The following VAT1L variants were observed in gnomAD, a reference collection of about 807,000 sequenced individuals.
The protein encoded by VAT1L is vesicle amine transport 1 like, also known as putative NADPH-dependent quinone oxidoreductase VAT1L.
VAT1L carries 34 observed loss-of-function variants against 44.1 expected under a neutral mutation model. The ratio of observed to expected loss-of-function variants is 0.77; its 90% CI spans 0.59 to 1.03. The LOEUF (loss-of-function observed/expected upper bound fraction) is 1.03, where lower values mean the gene tolerates loss of function less well. Ranked by LOEUF, VAT1L falls within the 50% of genes least tolerant of loss-of-function variation. The pLI is 0.00. For synonymous variants in VAT1L, 253 were observed against 202.2 expected, an observed-to-expected ratio of 1.25 and a Z score of -2.13; for missense variants, 615 against 538.8, an observed-to-expected ratio of 1.14 and a Z score of -1.40.
intron 3 of VAT1L, among the ~76,000 whole-genome samples, chr16:77,841,895 C>CT (rs200350907): frequency 0.13 from 19,929 of 148,380 alleles, 1,734 homozygotes; most frequent in Non-Finnish European, 0.2. Context: ...TTTTCTTTTT[C>CT]TTTTTTTTTT....
intron 3 of VAT1L, among the ~76,000 whole-genome samples, chr16:77,827,488 T>C (rs1012972091): frequency 4.6e-5 from 7 of 152,252 alleles, no homozygotes; most frequent in Non-Finnish European, 1.0e-4. Flanking sequence ...TATCGTGCTC[T>C]ATTCTGGGCT....
At chr16:77,789,148 C>A (rs1444569524) in intron 1 of VAT1L, among the ~76,000 whole-genome samples, 1 of 152,070 alleles carries the variant, frequency 6.6e-6, no homozygotes, top group African/African-American at 2.4e-5. Context: ...CTCCTGGGCG[C>A]GGGGAGAATG....
At chr16:77,865,930 A>G (rs2016969420) in intron 4 of VAT1L, among the ~76,000 whole-genome samples, 1 of 152,096 alleles carries the variant, frequency 6.6e-6, no homozygotes, top group Non-Finnish European at 1.5e-5. Context: ...ACTGCCCTAG[A>G]TCTACTCTCT....
Position 77,823,825 on chromosome 16 carries a change from C to T in VAT1L, c.364-1421C>T, listed in dbSNP as rs145318916. Among the ~76,000 whole-genome samples the T allele has an allele frequency of 4.4e-4, 67 of 152,156 alleles. No individual in the cohort carries two copies. The East Asian group carries it at 0.012, about 27-fold the overall frequency. ...CTGAGGTCAGGAGTTCACAACCAGCCTAACATGGTGAAACCCCGTCTCTAA... is the reference window on the plus strand; with the variant it reads ...CTGAGGTCAGGAGTTCACAACCAGCTTAACATGGTGAAACCCCGTCTCTAA... On this transcript the variant is annotated intron_variant, in intron 2 of 8. Coordinates refer to ENST00000302536, the MANE Select transcript of VAT1L (RefSeq NM_020927.3).
chr16:77,930,040 C>A lies in VAT1L; in HGVS notation c.1078-41810C>A, dbSNP rs111833763. On this transcript the variant is annotated intron_variant, in intron 7 of 8. Coordinates refer to ENST00000302536, the MANE Select transcript of VAT1L (RefSeq NM_020927.3). ...TCTTATTTCCAAATGAACCTCCAAC[C>A]AATACCCATAGCCCATACTCCTTAT... Among the ~76,000 whole-genome samples, 246 of 152,246 alleles carry A rather than the reference C, an allele frequency of 1.6e-3. 2 individuals are homozygous for A. The highest frequency in any genetic ancestry group is 5.7e-3 in the African/African-American group (238 of 41,566).
chr16:77,868,401 T>C (rs923401547), intron 4 of VAT1L, among the ~76,000 whole-genome samples: 13 of 152,188 alleles, frequency 8.5e-5, no homozygotes, highest in Non-Finnish European at 1.3e-4. Context: ...ACAATGGGGT[T>C]GGCAGCTGAT....
intron 7 of VAT1L, among the ~76,000 whole-genome samples, chr16:77,938,723 A>G (rs1287316169): frequency 6.6e-6 from 1 of 152,170 alleles, no homozygotes; most frequent in Non-Finnish European, 1.5e-5. Flanking sequence ...CTGCGGAACC[A>G]TGAGCCAATT....
chr16:77,950,146 C>T (rs1355269233), intron 7 of VAT1L, among the ~76,000 whole-genome samples: 13 of 152,146 alleles, frequency 8.5e-5, no homozygotes, highest in Admixed American at 7.2e-4. Flanking sequence ...CAGTGGCTCA[C>T]GCCTGTAATC....
chr16:77,941,679 G>A (rs537819857), intron 7 of VAT1L, among the ~76,000 whole-genome samples: 31 of 152,168 alleles, frequency 2.0e-4, no homozygotes, highest in South Asian at 4.2e-4. Context: ...TCCAGCTCCC[G>A]GGTTTAAGCT....
At chr16:77,896,017 C>G (rs914663726) in intron 7 of VAT1L, among the ~76,000 whole-genome samples, 1 of 152,196 alleles carries the variant, frequency 6.6e-6, no homozygotes, top group Non-Finnish European at 1.5e-5. Context: ...CATTCAAGGA[C>G]AGAAGAAAGG....
At chr16:77,882,717 G>C (rs775027249) in intron 6 of VAT1L, among the ~76,000 whole-genome samples, 25 of 152,208 alleles carry the variant, frequency 1.6e-4, no homozygotes, top group Non-Finnish European at 3.5e-4. Flanking sequence ...ATTCACTGAG[G>C]CATTGCAGAT....
intron 2 of VAT1L, among the ~76,000 whole-genome samples, chr16:77,820,379 A>G (rs527812077): frequency 1.1e-4 from 17 of 152,324 alleles, no homozygotes; most frequent in Admixed American, 7.8e-4. Flanking sequence ...GAATCCCCCT[A>G]AAATCAGCAA....
intron 3 of VAT1L, among the ~76,000 whole-genome samples, chr16:77,842,641 T>C (rs1009017055): frequency 1.3e-5 from 2 of 152,014 alleles, no homozygotes; most frequent in African/African-American, 2.4e-5. Context: ...CAGGGGTAGG[T>C]AGTGATAAGT....
intron 7 of VAT1L, among the ~76,000 whole-genome samples, chr16:77,908,463 TCAAAAAAA>T (rs2017463361): frequency 2.0e-4 from 2 of 10,132 alleles, no homozygotes; most frequent in Admixed American, 1.3e-3. Context: ...AGGTTCTGTC[TCAAAAAAA>T]AAAAAAAAAA....
At chr16:77,934,732 G>C (rs1455145010) in intron 7 of VAT1L, among the ~76,000 whole-genome samples, 1 of 152,202 alleles carries the variant, frequency 6.6e-6, no homozygotes, top group Non-Finnish European at 1.5e-5. Context: ...GCAGAGAACA[G>C]AGGGAGACAG....
intron 6 of VAT1L, among the ~76,000 whole-genome samples, chr16:77,883,973 T>A (rs776300356): frequency 1.7e-4 from 26 of 152,248 alleles, no homozygotes; most frequent in South Asian, 1.0e-3. Context: ...GCTTTATACT[T>A]AATCACAGAG....
chr16:77,963,347 C>T (rs1421172518), intron 7 of VAT1L, among the ~76,000 whole-genome samples: 1 of 152,068 alleles, frequency 6.6e-6, no homozygotes, highest in Non-Finnish European at 1.5e-5. Flanking sequence ...ACCCTGCTGG[C>T]TTTGAAGACG....
At chr16:77,915,413 C>A (rs2017542105) in intron 7 of VAT1L, among the ~76,000 whole-genome samples, 1 of 152,132 alleles carries the variant, frequency 6.6e-6, no homozygotes, top group Non-Finnish European at 1.5e-5. Flanking sequence ...GATCTTGATA[C>A]ACAGATGTTT....
At chr16:77,839,628 GAGA>G (rs2016682926) in intron 3 of VAT1L, among the ~76,000 whole-genome samples, 1 of 147,702 alleles carries the variant, frequency 6.8e-6, no homozygotes, top group Admixed American at 6.8e-5. Context: ...TATGACAAGT[GAGA>G]AGGAGAATAG....
Sources: gnomAD v4.1 joint callset for allele counts (sites outside exome capture counted in the v4.1 genomes callset) on GRCh38, gnomAD v4.1.1 for gene constraint, MANE v1.5 for transcripts, NCBI Gene and HGNC (gene_info 2026-07-23, HGNC 2026-07-21) for gene names.